KIF3B: variants seen among roughly 807,000 people sequenced by gnomAD.
KIF3B encodes kinesin family member 3B.
In KIF3B, 38 loss-of-function variants were observed where a neutral mutation model predicts 74.3. That is an observed-to-expected ratio of 0.51 (90% CI 0.39 to 0.67). The LOEUF (loss-of-function observed/expected upper bound fraction) is 0.67, where lower values mean the gene tolerates loss of function less well. Among genes scored for constraint, KIF3B ranks in the 30% least tolerant of loss-of-function variants. The pLI is 0.00. For synonymous variants in KIF3B, 326 were observed against 342.5 expected (o/e 0.95, Z 0.53); for missense variants, 649 against 932.0 (o/e 0.70, Z 3.95).
chr20:32,291,818 T>C lies in KIF3B; in HGVS notation c.-66+14053T>C, dbSNP rs191169848. ...TTTTAGTAGAGACAGGGTTTCACCA[T>C]GTTAGCTAGGCTGGTCTTGAACTCC... is the stretch of plus-strand genomic sequence containing the variant. On this transcript the variant is annotated intron_variant, in intron 1 of 8. Coordinates refer to ENST00000375712, the MANE Select transcript of KIF3B (RefSeq NM_004798.4). Among the ~76,000 whole-genome samples the C allele has an allele frequency of 4.7e-4, 72 of 152,220 alleles. No individual in the cohort carries two copies. In the East Asian group the frequency reaches 0.014, roughly 29 times the overall value.
chr20:32,320,502 C>T lies in KIF3B; in HGVS notation c.1748+3628C>T, dbSNP rs200546389. ...TCATATGTGTGTGTGTGTGTGTGTGCATGTGTGTGTTTTGTTAGTTTTTTT... is the reference window on the plus strand; with the variant it reads ...TCATATGTGTGTGTGTGTGTGTGTGTATGTGTGTGTTTTGTTAGTTTTTTT... On this transcript the variant is annotated intron_variant, in intron 5 of 8. Coordinates refer to ENST00000375712, the MANE Select transcript of KIF3B (RefSeq NM_004798.4). 1.0e-4 allele frequency among the ~76,000 whole-genome samples: 15 copies of T among 144,842 alleles called. No individual in the cohort carries two copies. The East Asian group carries it at 2.4e-3, about 23-fold the overall frequency.
Position 32,327,567 on chromosome 20 carries a change from T to A in KIF3B, c.1874T>A (p.Met625Lys). The A allele has an allele frequency of 6.2e-7, 1 of 1,613,232 alleles. No homozygotes were observed. Among genetic ancestry groups the A allele is most frequent in the Non-Finnish European group, 8.5e-7 (1 of 1,179,512 alleles). Residue 625 changes from methionine to lysine, a missense_variant, in exon 7 of 9, where the codon ATG becomes AAG. Met to Lys is a moderately conservative substitution (Grantham distance 95). Coordinates refer to ENST00000375712, the MANE Select transcript of KIF3B (RefSeq NM_004798.4). Reference protein sequence around the residue: ...HPITRLENQQMMKRPVSAVGY... With the variant: ...HPITRLENQQKMKRPVSAVGY... ...CAGTTCATTTCCAGGAACCAGCAGA[T>A]GATGAAGCGGCCAGTCTCAGCCGTG... is the stretch of plus-strand genomic sequence containing the variant.
chr20:32,317,278 A>G lies in KIF3B; in HGVS notation c.1748+404A>G, dbSNP rs138844225. Reference sequence around the variant, plus strand: ...CTGAGGACAGGTCCTTCTCCAGCTCATCTCCTGCCACCCCATGTTCTGTTC... The same window carrying G: ...CTGAGGACAGGTCCTTCTCCAGCTCGTCTCCTGCCACCCCATGTTCTGTTC... On this transcript the variant is annotated intron_variant, in intron 5 of 8. Transcript: ENST00000375712. Among the ~76,000 whole-genome samples the G allele has an allele frequency of 2.3e-4, 35 of 152,190 alleles. 1 individual carries two copies. In the East Asian group the frequency reaches 4.8e-3, roughly 21 times the overall value.
At chr20:32,308,752 GT>G (rs2047785020) in intron 1 of KIF3B, among the ~76,000 whole-genome samples, 1 of 143,464 alleles carries the variant, frequency 7.0e-6, no homozygotes, top group Non-Finnish European at 1.5e-5. Context: ...TTGAGACGGA[GT>G]CTCGCTTTGT....
intron 5 of KIF3B, among the ~76,000 whole-genome samples, chr20:32,322,101 T>C (rs1460637114): frequency 6.6e-6 from 1 of 152,174 alleles, no homozygotes; most frequent in African/African-American, 2.4e-5. Flanking sequence ...ATTTGGGCAA[T>C]ATTGTAATCT....
intron 1 of KIF3B, among the ~76,000 whole-genome samples, chr20:32,292,231 A>G (rs1031371404): frequency 6.6e-6 from 1 of 152,126 alleles, no homozygotes; most frequent in African/African-American, 2.4e-5. Flanking sequence ...TGAACCACCT[A>G]GCTTGGTCCT....
At chr20:32,280,590 C>T (rs1198207326) in intron 1 of KIF3B, among the ~76,000 whole-genome samples, 1 of 151,668 alleles carries the variant, frequency 6.6e-6, no homozygotes, top group East Asian at 1.9e-4. Flanking sequence ...TGGCGGGCGC[C>T]TGTAGTCCCA....
At chr20:32,286,422 C>T (rs556389811) in intron 1 of KIF3B, among the ~76,000 whole-genome samples, 1 of 152,248 alleles carries the variant, frequency 6.6e-6, no homozygotes, top group Non-Finnish European at 1.5e-5. Flanking sequence ...AATATCAGTT[C>T]AAGTTACCTA....
At chr20:32,315,793 C>T (rs1360901028) in intron 2 of KIF3B, among the ~76,000 whole-genome samples, 1 of 152,044 alleles carries the variant, frequency 6.6e-6, no homozygotes, top group Non-Finnish European at 1.5e-5. Flanking sequence ...GTGTCCTTTC[C>T]TCATGATGGC....
intron 1 of KIF3B, among the ~76,000 whole-genome samples, chr20:32,291,247 A>G (rs147678578): frequency 2.0e-5 from 3 of 152,184 alleles, no homozygotes; most frequent in Admixed American, 6.5e-5. Context: ...GGTAAATTTT[A>G]TATTATGTGG....
chr20:32,294,163 A>G (rs892650495), intron 1 of KIF3B, among the ~76,000 whole-genome samples: 5 of 152,206 alleles, frequency 3.3e-5, no homozygotes, highest in African/African-American at 1.2e-4. Flanking sequence ...AGACTTGAAT[A>G]TATTTTTGAA....
chr20:32,314,542 A>C (rs560900075), intron 2 of KIF3B, among the ~76,000 whole-genome samples: 1 of 152,064 alleles, frequency 6.6e-6, no homozygotes, highest in African/African-American at 2.4e-5. Context: ...TCCATCTAAA[A>C]AAAAAAAAAA....
At chr20:32,325,497 T>C (rs927387035) in intron 5 of KIF3B, among the ~76,000 whole-genome samples, 1 of 151,780 alleles carries the variant, frequency 6.6e-6, no homozygotes, top group Non-Finnish European at 1.5e-5. Context: ...GCCTGTTTTT[T>C]ACATTTTCTA....
At chr20:32,282,600 C>T (rs1192856531) in intron 1 of KIF3B, among the ~76,000 whole-genome samples, 2 of 152,044 alleles carry the variant, frequency 1.3e-5, no homozygotes, top group African/African-American at 2.4e-5. Flanking sequence ...GCCTGTGGAG[C>T]GGCAGGTGTG....
chr20:32,315,220 T>G (rs570002145), intron 2 of KIF3B, among the ~76,000 whole-genome samples: 1 of 152,348 alleles, frequency 6.6e-6, no homozygotes, highest in South Asian at 2.1e-4. Context: ...CAAAAGAATA[T>G]GTCAGTGGTT....
chr20:32,296,031 A>T (rs1272968364), intron 1 of KIF3B, among the ~76,000 whole-genome samples: 1 of 150,834 alleles, frequency 6.6e-6, no homozygotes, highest in Non-Finnish European at 1.5e-5. Context: ...CGCCCGGCTA[A>T]GTTTTGTACT....
chr20:32,281,506 A>G (rs1440691585), intron 1 of KIF3B, among the ~76,000 whole-genome samples: 1 of 152,222 alleles, frequency 6.6e-6, no homozygotes, highest in Non-Finnish European at 1.5e-5. Flanking sequence ...TAAATGAACA[A>G]GGGAATTTGG....
chr20:32,295,968 G>A (rs2047715070), intron 1 of KIF3B, among the ~76,000 whole-genome samples: 1 of 148,568 alleles, frequency 6.7e-6, no homozygotes. Context: ...GGGTTTGAGT[G>A]ATTCTTCTGT....
chr20:32,296,084 C>T (rs6058621), intron 1 of KIF3B, among the ~76,000 whole-genome samples: 4,660 of 151,426 alleles, frequency 0.031, 259 homozygotes, highest in African/African-American at 0.11. Context: ...AGGATGGTCT[C>T]GATCTCTTGA....
Sources: allele counts gnomAD v4.1 joint callset (sites outside exome capture counted in the v4.1 genomes callset), GRCh38; gene constraint gnomAD v4.1.1; transcripts MANE v1.5; gene names NCBI Gene and HGNC (gene_info 2026-07-23, HGNC 2026-07-21).